LMBR1: variants seen among roughly 807,000 people sequenced by gnomAD.
LMBR1 encodes limb development membrane protein 1.
Under a neutral mutation model 73.9 loss-of-function variants are expected in LMBR1, and 52 were observed. That is an observed-to-expected ratio of 0.70 (90% CI 0.56 to 0.89). The LOEUF is 0.89. Among genes scored for constraint, LMBR1 ranks in the 40% least tolerant of loss-of-function variants. The pLI, the probability that LMBR1 is intolerant of heterozygous loss-of-function variation, is 0.00. For synonymous variants in LMBR1, 215 were observed against 209.4 expected, an observed-to-expected ratio of 1.03 and a Z score of -0.23; for missense variants, 539 against 579.8, an observed-to-expected ratio of 0.93 and a Z score of 0.72.
Position 156,836,856 on chromosome 7 carries a change from G to C in LMBR1, c.96C>G (p.Tyr32Ter), listed in dbSNP as rs143018746. The C allele has an allele frequency of 1.3e-6, 2 of 1,580,012 alleles. No homozygotes were observed. Among genetic ancestry groups the C allele is most frequent in the Non-Finnish European group, 1.7e-6 (2 of 1,159,160 alleles). ...TTGTGATGATGAAGTAGGAAACAAC[G>C]TAGAGAATGGCAAAAAGAAGGAAAC... ...TICFLLFAIL[Y>*]VVSYFIITRY... Residue 32 changes from tyrosine (Y) to a stop codon, truncating the protein, a stop_gained, in exon 2 of 17, where the codon TAC (tyrosine) becomes TAG (stop). Coordinates refer to ENST00000353442, the MANE Select transcript of LMBR1 (RefSeq NM_022458.4). LOFTEE classifies it high-confidence loss of function.
chr7:156,755,471 A>G lies in LMBR1; in HGVS notation c.757+922T>C, dbSNP rs555372102. On this transcript the variant is annotated intron_variant, in intron 9 of 16. Transcript: ENST00000353442. ...GAAATGGTGGCTACCTGAGGCTGAA[A>G]CAATCCTACACTGCAGGGAGCAGCT... 2.6e-5 allele frequency among the ~76,000 whole-genome samples: 4 copies of G among 152,350 alleles called. No individual in the cohort carries two copies. The South Asian group carries it at 8.3e-4, about 32-fold the overall frequency.
intron 15 of LMBR1, among the ~76,000 whole-genome samples, chr7:156,714,532 C>T (rs988091412): frequency 1.3e-5 from 2 of 152,182 alleles, no homozygotes; most frequent in Admixed American, 6.5e-5. Context: ...GAGACACAGA[C>T]GGGGTCAGGT....
Position 156,725,808 on chromosome 7 carries a change from A to T in LMBR1, c.1023T>A (p.Ser341=), listed in dbSNP as rs1815621881. ...RGPGIGNASL[S]TFGFVGAALE... The stretch of plus-strand genomic sequence containing the variant: ...GCGCAGCTCCCACAAAACCAAACGT[A>T]GAAAGAGAGGCATTTCCTATTCCAG... Residue 341 remains serine (S), a synonymous_variant, in exon 13 of 17, where the codon TCT becomes TCA. Coordinates refer to ENST00000353442, the MANE Select transcript of LMBR1 (RefSeq NM_022458.4). 6.2e-7 allele frequency: 1 copy of T among 1,613,786 alleles called. No individual in the cohort carries two copies. The highest frequency in any genetic ancestry group is 1.1e-5 in the South Asian group (1 of 91,028).
chr7:156,738,713 C>A (rs938178457), intron 9 of LMBR1, among the ~76,000 whole-genome samples: 44 of 152,234 alleles, frequency 2.9e-4, no homozygotes, highest in African/African-American at 1.0e-3. Flanking sequence ...CTAGACACAC[C>A]CTGGGCCAGA....
intron 9 of LMBR1, among the ~76,000 whole-genome samples, chr7:156,754,127 A>G (rs1239882875): frequency 6.6e-6 from 1 of 152,210 alleles, no homozygotes; most frequent in Non-Finnish European, 1.5e-5. Flanking sequence ...CAGGATACCA[A>G]TTAACATTAT....
chr7:156,892,680 G>A (rs1803298392), intron 1 of LMBR1: 3 of 339,146 alleles, frequency 8.8e-6, no homozygotes, highest in South Asian at 1.2e-4. Flanking sequence ...CGAGGGGGCA[G>A]GGGAGGCAAG....
chr7:156,768,942 G>A (rs1824657678), intron 5 of LMBR1, among the ~76,000 whole-genome samples: 1 of 152,066 alleles, frequency 6.6e-6, no homozygotes. Context: ...TGCTATTTTA[G>A]GAAATGGCCT....
intron 8 of LMBR1, among the ~76,000 whole-genome samples, chr7:156,759,689 C>T (rs73741530): frequency 0.013 from 1,908 of 152,254 alleles, 44 homozygotes; most frequent in African/African-American, 0.044. Context: ...GCAAAATGCT[C>T]GTTCCCTGGT....
intron 5 of LMBR1, among the ~76,000 whole-genome samples, chr7:156,772,827 G>A (rs1358986353): frequency 3.4e-5 from 5 of 145,666 alleles, no homozygotes; most frequent in East Asian, 2.2e-4. Flanking sequence ...CGGCCTGGAC[G>A]ACAAAAAACG....
At chr7:156,709,896 ATTTTTTTTTTTTTTT>A (rs34487923) in intron 15 of LMBR1, among the ~76,000 whole-genome samples, 2 of 90,354 alleles carry the variant, frequency 2.2e-5, no homozygotes, top group African/African-American at 4.8e-5. Flanking sequence ...CAGAAGGTTG[ATTTTTTTTTTTTTTT>A]TTTTTTTTTT....
chr7:156,741,555 C>T (rs1172422157), intron 9 of LMBR1, among the ~76,000 whole-genome samples: 1 of 152,040 alleles, frequency 6.6e-6, no homozygotes, highest in Admixed American at 6.5e-5. Context: ...AGAAGAGACA[C>T]AGAAGGTCAC....
intron 9 of LMBR1, among the ~76,000 whole-genome samples, chr7:156,753,323 C>T (rs1038930879): frequency 6.6e-6 from 1 of 151,966 alleles, no homozygotes; most frequent in Non-Finnish European, 1.5e-5. Flanking sequence ...GAGCAAATGA[C>T]AGGACTAGGT....
chr7:156,837,862 T>C (rs1028134901), intron 1 of LMBR1, among the ~76,000 whole-genome samples: 1 of 150,796 alleles, frequency 6.6e-6, no homozygotes, highest in Admixed American at 6.7e-5. Flanking sequence ...TATTGGCTCA[T>C]TGCAACCTCC....
intron 4 of LMBR1, among the ~76,000 whole-genome samples, chr7:156,815,949 CTCTT>C (rs778528426): frequency 1.3e-5 from 2 of 150,868 alleles, no homozygotes; most frequent in Admixed American, 6.6e-5. Flanking sequence ...TAAAAGAAGG[CTCTT>C]TCTATTGTTA....
intron 5 of LMBR1, among the ~76,000 whole-genome samples, chr7:156,775,468 C>T (rs1437110802): frequency 6.6e-6 from 1 of 152,182 alleles, no homozygotes; most frequent in African/African-American, 2.4e-5. Flanking sequence ...ACAACCTCCA[C>T]CTCTAATTGT....
At chr7:156,717,030 T>A (rs996924792) in intron 15 of LMBR1, among the ~76,000 whole-genome samples, 3 of 152,046 alleles carry the variant, frequency 2.0e-5, no homozygotes, top group African/African-American at 7.2e-5. Context: ...TCCCAGCTAC[T>A]CGGGAGGCTG....
intron 5 of LMBR1, among the ~76,000 whole-genome samples, chr7:156,787,843 C>G (rs754353601): frequency 1.3e-5 from 2 of 152,232 alleles, no homozygotes; most frequent in Non-Finnish European, 2.9e-5. Context: ...ACAGCACGAT[C>G]TTGGCTCACT....
intron 1 of LMBR1, among the ~76,000 whole-genome samples, chr7:156,887,746 G>A (rs1445620024): frequency 6.6e-6 from 1 of 152,102 alleles, no homozygotes; most frequent in Non-Finnish European, 1.5e-5. Context: ...CAGAATGGGC[G>A]AGAAGTGTTT....
At chr7:156,890,239 T>C (rs539634007) in intron 1 of LMBR1, among the ~76,000 whole-genome samples, 1 of 152,230 alleles carries the variant, frequency 6.6e-6, no homozygotes, top group African/African-American at 2.4e-5. Flanking sequence ...CAATAAAGCA[T>C]TTAGAGAAAA....
Sources: allele counts gnomAD v4.1 joint callset (sites outside exome capture counted in the v4.1 genomes callset), GRCh38; gene constraint gnomAD v4.1.1; transcripts MANE v1.5; gene names NCBI Gene and HGNC (gene_info 2026-07-23, HGNC 2026-07-21).